Variants in CAST observed in about 807,000 individuals in gnomAD.
CAST encodes the protein calpastatin, also known as MIR583 host.
In CAST, 76 loss-of-function variants were observed where a neutral mutation model predicts 119.6. The ratio of observed to expected loss-of-function variants is 0.64; its 90% CI spans 0.53 to 0.77. The LOEUF is 0.77. Among genes scored for constraint, CAST ranks in the 30% least tolerant of loss-of-function variants. The pLI, the probability that CAST is intolerant of heterozygous loss-of-function variation, is 0.00. For synonymous variants in CAST, 319 were observed against 331.6 expected (o/e 0.96, Z 0.41); for missense variants, 953 against 946.5 (o/e 1.01, Z -0.09).
At chr5:96,290,782 C>T in the CAST span, among the ~76,000 whole-genome samples, 1 of 152,190 alleles carries the variant, frequency 6.6e-6, no homozygotes, top group South Asian at 2.1e-4. Context: ...GGAAAGATTA[C>T]GAAGTAGCAA....
intron 13 of CAST, 107 bp downstream of exon 13, chr5:96,740,890 C>A: frequency 1.3e-6 from 1 of 761,286 alleles, no homozygotes; most frequent in Non-Finnish European, 2.3e-6. Context: ...TAACTCATCT[C>A]CAAATCAAAT....
At chr5:96,433,122 C>A in the CAST span, 1 of 1,323,770 alleles carries the variant, frequency 7.6e-7, no homozygotes, top group Non-Finnish European at 1.1e-6. Flanking sequence ...GACAGACTCC[C>A]CCTTCCCACC....
chr5:96,653,290 A>AT, intron 1 of CAST, among the ~76,000 whole-genome samples: 1 of 152,298 alleles, frequency 6.6e-6, no homozygotes, highest in East Asian at 1.9e-4. Flanking sequence ...TTTTAATCAC[A>AT]TTTTTTTCCT....
chr5:96,434,251 T>C, the CAST span: 1 of 152,198 alleles, frequency 6.6e-6, no homozygotes, highest in Admixed American at 6.5e-5. Flanking sequence ...CAGTCTCCCA[T>C]GGTGGAGCCT....
At chr5:96,682,622 ATTACTCTT>A (rs1024431699) in intron 2 of CAST, among the ~76,000 whole-genome samples, 15 of 151,598 alleles carry the variant, frequency 9.9e-5, no homozygotes, top group Admixed American at 3.3e-4. Flanking sequence ...TTTCTTTCTG[ATTACTCTT>A]TTAAGGAGAG....
At chr5:96,627,358 A>G (rs1472729259) in intron 1 of CAST, among the ~76,000 whole-genome samples, 1 of 152,200 alleles carries the variant, frequency 6.6e-6, no homozygotes, top group African/African-American at 2.4e-5. Flanking sequence ...GAGTTTTCCA[A>G]AGAGTCAATT....
chr5:96,645,299 C>T (rs560646311), intron 1 of CAST, among the ~76,000 whole-genome samples: 10 of 152,276 alleles, frequency 6.6e-5, no homozygotes, highest in African/African-American at 2.2e-4. Context: ...TGTCACATTC[C>T]ACATGAGATC....
the CAST span, among the ~76,000 whole-genome samples, chr5:96,384,424 A>C: frequency 2.6e-5 from 4 of 152,186 alleles, no homozygotes; most frequent in Non-Finnish European, 5.9e-5. Flanking sequence ...ACAAATTGGA[A>C]CAATGACCAC....
At chr5:96,071,159 TACA>T in the CAST span, among the ~76,000 whole-genome samples, 3 of 151,842 alleles carry the variant, frequency 2.0e-5, no homozygotes, top group African/African-American at 7.3e-5. Flanking sequence ...CTCACCAATA[TACA>T]ACATTCATCC....
chr5:96,140,813 C>T, the CAST span, among the ~76,000 whole-genome samples: 2 of 152,200 alleles, frequency 1.3e-5, no homozygotes, highest in Non-Finnish European at 2.9e-5. Context: ...TTTCCAACTT[C>T]ATCTGGCATC....
At chr5:95,982,691 A>T in the CAST span, among the ~76,000 whole-genome samples, 3 of 152,204 alleles carry the variant, frequency 2.0e-5, no homozygotes, top group South Asian at 6.2e-4. Context: ...TTTGGGTGCA[A>T]ATTGCACCAA....
Position 96,767,455 on chromosome 5 carries a change from A to G in CAST, c.2148A>G (p.Pro716=). 6.2e-7 allele frequency: 1 copy of G among 1,612,904 alleles called. No individual in the cohort carries two copies. Among genetic ancestry groups the G allele is most frequent in the Non-Finnish European group, 8.5e-7 (1 of 1,179,084 alleles). ...TTTTTAAGGACAAACCAGTGAAGCC[A>G]CCTACAAAGAAATCAGAGGATTCAA... ...DDNGQDKPVK[P]PTKKSEDSKK... is the part of the protein sequence containing the mutation. The change falls in exon 28 of 32, where the codon CCA becomes CCG. Residue 716 remains proline, a synonymous_variant. Coordinates refer to ENST00000675179, the MANE Select transcript of CAST (RefSeq NM_001750.7).
chr5:96,700,126 G>T (rs1039586506), intron 3 of CAST, among the ~76,000 whole-genome samples: 16 of 152,164 alleles, frequency 1.1e-4, no homozygotes, highest in African/African-American at 3.9e-4. Flanking sequence ...ACTGTGGAGG[G>T]TATGCTGACA....
intron 1 of CAST, among the ~76,000 whole-genome samples, chr5:96,625,726 T>C (rs1289388909): frequency 6.6e-6 from 1 of 152,222 alleles, no homozygotes; most frequent in Non-Finnish European, 1.5e-5. Context: ...AGAATCTGTC[T>C]TGGGAAGGAC....
At chr5:96,701,404 A>C (rs1753871498) in intron 3 of CAST, among the ~76,000 whole-genome samples, 1 of 152,198 alleles carries the variant, frequency 6.6e-6, no homozygotes. Flanking sequence ...CACAGGAGAA[A>C]TTAATGTCAG....
the CAST span, among the ~76,000 whole-genome samples, chr5:96,069,766 G>T: frequency 1.6e-3 from 226 of 145,768 alleles, no homozygotes; most frequent in Middle Eastern, 0.015. Context: ...TTCCCAATGC[G>T]CTGGGATTAC....
intron 2 of CAST, among the ~76,000 whole-genome samples, chr5:96,677,169 C>T (rs1442225078): frequency 6.6e-6 from 1 of 152,036 alleles, no homozygotes. Flanking sequence ...TGAACACTTC[C>T]TGATTGAAAA....
chr5:96,496,218 T>G, the CAST span, among the ~76,000 whole-genome samples: 1 of 152,236 alleles, frequency 6.6e-6, no homozygotes, highest in South Asian at 2.1e-4. Context: ...TATTTTCATA[T>G]AGTTTTAATT....
the CAST span, among the ~76,000 whole-genome samples, chr5:96,069,655 CTTTTTTTTTTT>C: frequency 3.8e-5 from 3 of 78,398 alleles, no homozygotes; most frequent in South Asian, 5.3e-4. Flanking sequence ...GGTAATTAAA[CTTTTTTTTTTT>C]TTTTTTTTTT....
Sources: allele counts gnomAD v4.1 joint callset (sites outside exome capture counted in the v4.1 genomes callset), GRCh38; gene constraint gnomAD v4.1.1; transcripts MANE v1.5; gene names NCBI Gene and HGNC (gene_info 2026-07-23, HGNC 2026-07-21).